MAGI2: variants seen among roughly 807,000 people sequenced by gnomAD.
MAGI2 encodes the protein membrane-associated guanylate kinase, WW and PDZ domain-containing protein 2.
In MAGI2, 35 loss-of-function variants were observed where a neutral mutation model predicts 133.3. The observed-to-expected ratio is 0.26, with a 90% CI of 0.20 to 0.35. MAGI2 has a LOEUF of 0.35. Among genes scored for constraint, MAGI2 ranks in the 10% least tolerant of loss-of-function variants. The pLI is 1.00. For synonymous variants in MAGI2, 729 were observed against 710.6 expected (o/e 1.03, Z -0.41); for missense variants, 1,636 against 1,863.4 (o/e 0.88, Z 2.25).
chr7:78,449,303 G>A lies in MAGI2; in HGVS notation c.1045+40458C>T, dbSNP rs1364025186. ...GAATTTTGGTCATTAATACACTACC[G>A]TCAGGATTTTTGTCACAACTGCATG... On this transcript the variant is annotated intron_variant, in intron 6 of 21. Transcript: ENST00000354212. Among the ~76,000 whole-genome samples the A allele has an allele frequency of 6.6e-5, 10 of 152,002 alleles. 1 individual carries two copies. In the South Asian group the frequency reaches 8.3e-4, roughly 13 times the overall value.
chr7:78,242,610 C>T (rs1791276368), intron 10 of MAGI2, among the ~76,000 whole-genome samples: 1 of 152,158 alleles, frequency 6.6e-6, no homozygotes, highest in Non-Finnish European at 1.5e-5. Context: ...TGATTTTCTC[C>T]TAATCTCCCT....
At chr7:78,511,905 C>T (rs944599867) in intron 4 of MAGI2, among the ~76,000 whole-genome samples, 14 of 150,924 alleles carry the variant, frequency 9.3e-5, no homozygotes, top group Non-Finnish European at 1.9e-4. Flanking sequence ...ACCAGACTGG[C>T]TAACACGGTG....
intron 2 of MAGI2, among the ~76,000 whole-genome samples, chr7:78,882,399 G>A (rs143212735): frequency 5.1e-4 from 78 of 151,796 alleles, no homozygotes; most frequent in African/African-American, 1.4e-3. Flanking sequence ...AAAAAAGCCC[G>A]CGACCAGATT....
At chr7:78,273,559 C>CT (rs1794783376) in intron 9 of MAGI2, among the ~76,000 whole-genome samples, 1 of 152,186 alleles carries the variant, frequency 6.6e-6, no homozygotes, top group Non-Finnish European at 1.5e-5. Flanking sequence ...CTCCCCGTCA[C>CT]TTTCAGGTAT....
intron 2 of MAGI2, among the ~76,000 whole-genome samples, chr7:78,786,500 A>G (rs929565189): frequency 2.0e-5 from 3 of 151,932 alleles, no homozygotes; most frequent in African/African-American, 7.2e-5. Flanking sequence ...CTAAGCCCCC[A>G]CCTCTCTGAA....
chr7:78,076,816 G>A (rs75361588), intron 21 of MAGI2, among the ~76,000 whole-genome samples: 13,993 of 123,362 alleles, frequency 0.11, 1,146 homozygotes, highest in East Asian at 0.46. Flanking sequence ...ACTGCAGTCC[G>A]CAGTCCGGCC....
intron 2 of MAGI2, among the ~76,000 whole-genome samples, chr7:78,754,404 A>AATAAATAC (rs1823750986): frequency 6.6e-6 from 1 of 151,844 alleles, no homozygotes; most frequent in Non-Finnish European, 1.5e-5. Context: ...TAAATAAATA[A>AATAAATAC]ATAAATGCTG....
intron 2 of MAGI2, among the ~76,000 whole-genome samples, chr7:78,946,385 G>C (rs1351407401): frequency 6.6e-6 from 1 of 152,162 alleles, no homozygotes; most frequent in East Asian, 1.9e-4. Flanking sequence ...CCTATCATAT[G>C]TAAACAGTTG....
intron 1 of MAGI2, among the ~76,000 whole-genome samples, chr7:79,057,455 A>G (rs954658670): frequency 3.3e-5 from 5 of 152,204 alleles, no homozygotes; most frequent in Admixed American, 1.3e-4. Context: ...AACTGCCTTT[A>G]TTCTGAATAT....
intron 3 of MAGI2, chr7:78,618,633 C>T (rs943736574): frequency 6.6e-6 from 1 of 151,654 alleles, no homozygotes; most frequent in Non-Finnish European, 1.5e-5. Flanking sequence ...AAGTGTCAAT[C>T]ATTAGATAAT....
intron 13 of MAGI2, among the ~76,000 whole-genome samples, chr7:78,184,125 A>G (rs1358255584): frequency 6.6e-6 from 1 of 152,234 alleles, no homozygotes; most frequent in African/African-American, 2.4e-5. Context: ...AATGAAGTGC[A>G]TTCAGAATCT....
At chr7:78,073,152 C>T (rs545958721) in intron 21 of MAGI2, among the ~76,000 whole-genome samples, 4 of 152,268 alleles carry the variant, frequency 2.6e-5, no homozygotes, top group Non-Finnish European at 4.4e-5. Flanking sequence ...TAGCTCAGAT[C>T]GATCTGTTTC....
At chr7:79,170,525 G>A (rs1395424710) in intron 1 of MAGI2, among the ~76,000 whole-genome samples, 1 of 152,008 alleles carries the variant, frequency 6.6e-6, no homozygotes, top group Non-Finnish European at 1.5e-5. Flanking sequence ...ATATTTTATA[G>A]AGACTATTGT....
intron 3 of MAGI2, among the ~76,000 whole-genome samples, chr7:78,601,479 T>G (rs1805202413): frequency 6.6e-6 from 1 of 152,200 alleles, no homozygotes; most frequent in Non-Finnish European, 1.5e-5. Context: ...GTTGCATATT[T>G]TATATAAAAA....
chr7:78,977,459 C>CAAAGAAAG (rs71095371), intron 2 of MAGI2, among the ~76,000 whole-genome samples: 1 of 138,504 alleles, frequency 7.2e-6, no homozygotes. Context: ...TTACAATTTA[C>CAAAGAAAG]AAAGAAAGAA....
chr7:78,020,822 A>T (rs75857010), intron 21 of MAGI2, among the ~76,000 whole-genome samples: 1,336 of 78,236 alleles, frequency 0.017, 10 homozygotes, highest in African/African-American at 0.048. Flanking sequence ...ATCATTTTTT[A>T]AAAAAAATCG....
chr7:78,140,613 T>C (rs1181981886), intron 16 of MAGI2, among the ~76,000 whole-genome samples: 6 of 152,254 alleles, frequency 3.9e-5, no homozygotes, highest in Non-Finnish European at 5.9e-5. Context: ...AGTTTGGGTT[T>C]AGAATCTGTG....
chr7:79,343,709 A>T (rs1336063630), intron 1 of MAGI2, among the ~76,000 whole-genome samples: 1 of 152,164 alleles, frequency 6.6e-6, no homozygotes, highest in African/African-American at 2.4e-5. Flanking sequence ...ATAGTTTCTT[A>T]TGTAACATTA....
Position 78,959,689 on chromosome 7 carries a change from T to G in MAGI2, c.418+47401A>C, listed in dbSNP as rs563785317. ...TTTTGACATTGTGTCACCGTGTGGT[T>G]GATTACTTCTGAATCTGTGAGCTCA... On this transcript the variant is annotated intron_variant, in intron 2 of 21. Transcript: ENST00000354212. Among the ~76,000 whole-genome samples, 9 of 152,306 alleles carry G rather than the reference T, an allele frequency of 5.9e-5. No individual in the cohort carries two copies. In the East Asian group the frequency reaches 1.4e-3, roughly 23 times the overall value.
Sources: allele counts gnomAD v4.1 joint callset (sites outside exome capture counted in the v4.1 genomes callset), GRCh38; gene constraint gnomAD v4.1.1; transcripts MANE v1.5; gene names NCBI Gene and HGNC (gene_info 2026-07-23, HGNC 2026-07-21).